Variants in MVB12B observed in about 807,000 individuals in gnomAD.
MVB12B encodes the protein multivesicular body subunit 12B.
A neutral mutation model predicts 41.6 loss-of-function variants in MVB12B; 16 were observed. That is an observed-to-expected ratio of 0.38 (90% CI 0.26 to 0.58). MVB12B has a LOEUF of 0.58. MVB12B is among the 20% of genes least tolerant of loss of function. The probability of loss-of-function intolerance (pLI) is 0.62; values close to 1 mark genes in which losing one functional copy is unlikely to be tolerated. For missense variants in MVB12B, 274 were observed against 380.2 expected (o/e 0.72, Z 2.32); for synonymous variants, 133 against 139.7 (o/e 0.95, Z 0.34).
intron 9 of MVB12B, among the ~76,000 whole-genome samples, chr9:126,488,387 A>G (rs992169660): frequency 1.3e-5 from 2 of 148,786 alleles, no homozygotes; most frequent in Non-Finnish European, 3.0e-5. Flanking sequence ...CAAGTGGGAG[A>G]CTGCTTTCAG....
At chr9:126,369,024 G>T (rs1748272973) in intron 2 of MVB12B, among the ~76,000 whole-genome samples, 2 of 152,220 alleles carry the variant, frequency 1.3e-5, no homozygotes, top group South Asian at 4.1e-4. Context: ...ATGCTCCGTG[G>T]TTGAGTGAGG....
rs989134424 is a variant in MVB12B at position 126,367,256 on chromosome 9, C to G, written c.205-13808C>G. On this transcript the variant is annotated intron_variant, in intron 2 of 9. Coordinates refer to ENST00000361171, the MANE Select transcript of MVB12B (RefSeq NM_033446.3). The surrounding 1 kb of genome is among the most constrained non-coding windows in gnomAD (Gnocchi z 4.3). ...CCCGGGGCTCTCCAGCCACGCTCCC[C>G]CTCTTGCTCCCTAGGATGGGGCAGG... Among the ~76,000 whole-genome samples, 8 of 152,230 alleles carry G rather than the reference C, an allele frequency of 5.3e-5. No homozygotes were observed. Among genetic ancestry groups the G allele is most frequent in the Middle Eastern group, 3.4e-3 (1 of 294 alleles).
Position 126,436,309 on chromosome 9 carries a change from C to T in MVB12B, c.757+14361C>T, listed in dbSNP as rs1203959357. 1.3e-5 allele frequency among the ~76,000 whole-genome samples: 2 copies of T among 152,116 alleles called. No homozygotes were observed. The highest frequency in any genetic ancestry group is 2.4e-5 in the African/African-American group (1 of 41,414). On this transcript the variant is annotated intron_variant, in intron 7 of 9. Transcript: ENST00000361171. This position sits in a 1 kb window ranked among gnomAD's most constrained non-coding sequence, Gnocchi z 4.1. The stretch of plus-strand genomic sequence containing the variant: ...AGCTGAAGAGTAAATTCTGTGCAGC[C>T]GCCTTTTAGGAACACTCTTAGGTTT...
chr9:126,343,454 C>T (rs968362020), intron 2 of MVB12B, among the ~76,000 whole-genome samples: 1 of 152,220 alleles, frequency 6.6e-6, no homozygotes, highest in African/African-American at 2.4e-5. Flanking sequence ...ATAAGAAGCA[C>T]TTCCGGCTAC....
chr9:126,387,525 G>A (rs537488292), intron 4 of MVB12B, among the ~76,000 whole-genome samples: 9 of 152,254 alleles, frequency 5.9e-5, no homozygotes, highest in Admixed American at 5.9e-4. Context: ...CACTTCATAT[G>A]ATATGAACTA....
At chr9:126,403,904 A>T (rs1191330011) in intron 6 of MVB12B, among the ~76,000 whole-genome samples, 1 of 147,520 alleles carries the variant, frequency 6.8e-6, no homozygotes, top group Admixed American at 6.7e-5. Context: ...TGCATTTATT[A>T]GGTGTGAGGT....
intron 8 of MVB12B, among the ~76,000 whole-genome samples, chr9:126,482,700 C>T (rs1214519657): frequency 1.3e-5 from 2 of 152,230 alleles, no homozygotes; most frequent in African/African-American, 4.8e-5. Context: ...CAGAGAGCAC[C>T]ACACTGTTCC....
chr9:126,338,460 G>A lies in MVB12B; in HGVS notation c.82-2048G>A, dbSNP rs1207677342. 2.6e-5 allele frequency among the ~76,000 whole-genome samples: 4 copies of A among 152,020 alleles called. No homozygotes were observed. In the East Asian group the frequency reaches 7.7e-4, roughly 29 times the overall value. On this transcript the variant is annotated intron_variant, in intron 1 of 9. Coordinates refer to ENST00000361171, the MANE Select transcript of MVB12B (RefSeq NM_033446.3). Reference sequence around the variant, plus strand: ...TACTGTGACCAGGGGATGTGGCAATGAATCCACCAGCAAATAAGATACTGC... The same window carrying A: ...TACTGTGACCAGGGGATGTGGCAATAAATCCACCAGCAAATAAGATACTGC...
intron 6 of MVB12B, among the ~76,000 whole-genome samples, chr9:126,407,252 A>T (rs1831463432): frequency 6.6e-6 from 1 of 152,074 alleles, no homozygotes; most frequent in African/African-American, 2.4e-5. Context: ...TACGGCCAGG[A>T]TGTGCCCGTA....
At chr9:126,415,234 G>A (rs1465078162) in intron 6 of MVB12B, among the ~76,000 whole-genome samples, 13 of 152,120 alleles carry the variant, frequency 8.5e-5, no homozygotes, top group Non-Finnish European at 1.9e-4. Flanking sequence ...TTATTCTCAT[G>A]AACCAGAGGC....
intron 1 of MVB12B, among the ~76,000 whole-genome samples, chr9:126,334,712 G>A (rs1045078733): frequency 6.6e-6 from 1 of 152,148 alleles, no homozygotes; most frequent in Non-Finnish European, 1.5e-5. Context: ...GATGGGAGTG[G>A]ACATGGACTA....
At chr9:126,379,555 TA>T (rs1830580058) in intron 2 of MVB12B, among the ~76,000 whole-genome samples, 1 of 152,240 alleles carries the variant, frequency 6.6e-6, no homozygotes, top group South Asian at 2.1e-4. Flanking sequence ...AAACAGTTCC[TA>T]AAATTATCCC....
intron 7 of MVB12B, among the ~76,000 whole-genome samples, chr9:126,426,431 G>A (rs561293572): frequency 5.9e-5 from 9 of 152,122 alleles, no homozygotes; most frequent in East Asian, 3.9e-4. Flanking sequence ...GCCCTCTTCC[G>A]GGTCATGTTG....
At chr9:126,482,308 G>A (rs1269336622) in intron 8 of MVB12B, among the ~76,000 whole-genome samples, 1 of 152,256 alleles carries the variant, frequency 6.6e-6, no homozygotes, top group Non-Finnish European at 1.5e-5. Context: ...CCCAGCTTGG[G>A]CACAGCTAAA....
intron 2 of MVB12B, among the ~76,000 whole-genome samples, chr9:126,357,215 AG>A (rs1165260119): frequency 6.6e-6 from 1 of 152,180 alleles, no homozygotes; most frequent in Non-Finnish European, 1.5e-5. Context: ...TTGTTTAATG[AG>A]TAGTGCTCTG....
intron 7 of MVB12B, among the ~76,000 whole-genome samples, chr9:126,465,563 A>G (rs1199359125): frequency 2.7e-5 from 4 of 150,526 alleles, no homozygotes; most frequent in Non-Finnish European, 4.4e-5. Flanking sequence ...TACTTATTCA[A>G]TAGGTTTCTT....
At chr9:126,373,184 A>T (rs1830389057) in intron 2 of MVB12B, among the ~76,000 whole-genome samples, 1 of 152,268 alleles carries the variant, frequency 6.6e-6, no homozygotes, top group Non-Finnish European at 1.5e-5. Context: ...AAAATGATGC[A>T]AATAAAATCA....
chr9:126,327,543 G>A (rs1829016487), intron 1 of MVB12B, among the ~76,000 whole-genome samples: 3 of 152,274 alleles, frequency 2.0e-5, no homozygotes, highest in South Asian at 4.2e-4. Context: ...GGGTACCCGA[G>A]ACCCAGAGCA....
In MVB12B at chr9:126,379,803, C is replaced by T. The variant is rs561088819; in HGVS notation, c.205-1261C>T. ...CCCACTGGGCTGGGGTCCTGGCTCC[C>T]GCCTCCGCCCTGAGCCTGTGACAGG... On this transcript the variant is annotated intron_variant, in intron 2 of 9. Transcript: ENST00000361171. 4.6e-5 allele frequency among the ~76,000 whole-genome samples: 7 copies of T among 152,290 alleles called. No individual in the cohort carries two copies. In the East Asian group the frequency reaches 9.7e-4, roughly 21 times the overall value.
Sources: gnomAD v4.1 joint callset for allele counts (sites outside exome capture counted in the v4.1 genomes callset) on GRCh38, gnomAD v4.1.1 for gene constraint, Gnocchi (gnomAD v3.1) non-coding constraint, MANE v1.5 for transcripts, NCBI Gene and HGNC (gene_info 2026-07-23, HGNC 2026-07-21) for gene names.